TMEM121: variants seen among roughly 807,000 people sequenced by gnomAD.
TMEM121 encodes transmembrane protein 121A.
A neutral mutation model predicts 16.4 loss-of-function variants in TMEM121; 8 were observed. That is an observed-to-expected ratio of 0.49 (90% confidence interval 0.29 to 0.88). The LOEUF (loss-of-function observed/expected upper bound fraction) is 0.88. Ranked by LOEUF, TMEM121 falls within the 40% of genes least tolerant of loss-of-function variation. TMEM121 has a pLI of 0.09. For missense variants in TMEM121, 401 were observed against 462.0 expected (o/e 0.87, Z 1.21); for synonymous variants, 235 against 226.2 (o/e 1.04, Z -0.35).
rs782467362 is a variant in TMEM121, at chr14:105,529,162, C to A, written c.328C>A (p.Arg110Ser). ...GCGCGGCGCGGCGGACCCCGTGGCG[C>A]GCAAGGCGCTGACGCTGCTGCTGTC... Reference protein sequence around the residue: ...ARRGAADPVARKALTLLLSVC... With the variant: ...ARRGAADPVASKALTLLLSVC... Residue 110 changes from arginine to serine, a missense_variant, in exon 2 of 2, where the codon CGC (arginine) becomes AGC (serine). Transcript: ENST00000392519. 1 of 1,593,756 alleles carries A rather than the reference C, an allele frequency of 6.3e-7. No individual in the cohort carries two copies. Among genetic ancestry groups the A allele is most frequent in the South Asian group, 1.1e-5 (1 of 89,310 alleles).
Position 105,528,852 on chromosome 14 carries a change from G to C in TMEM121, c.18G>C (p.Pro6=). 6.5e-7 allele frequency: 1 copy of C among 1,538,780 alleles called. No homozygotes were observed. The highest frequency in any genetic ancestry group is 8.8e-7 in the Non-Finnish European group (1 of 1,141,782). The part of the protein sequence containing the change: MVLPP[P]DRRHVCLTTL... Reference sequence around the variant, plus strand: ...GGCCGACCATGGTGCTGCCGCCCCCGGACCGGCGCCACGTGTGCCTGACCA... The same window carrying C: ...GGCCGACCATGGTGCTGCCGCCCCCCGACCGGCGCCACGTGTGCCTGACCA... Residue 6 remains proline (P), a synonymous_variant, in exon 2 of 2, where the codon CCG becomes CCC. Transcript: ENST00000392519.
chr14:105,528,414 GGC>G lies in TMEM121; in HGVS notation c.-113-307_-113-306del, dbSNP rs147209800. Among the ~76,000 whole-genome samples, 2,536 of 152,234 alleles carry G rather than the reference GGC, an allele frequency of 0.017. 529 individuals carry two copies. The East Asian group carries it at 0.38, about 23-fold the overall frequency. ...CGGAGCCAGGAGGGAGGGCGGCGCG[GGC>G]CCAGCAGTGACAAACCCCCCCGGGC... On this transcript the variant is annotated intron_variant, in intron 1 of 1. Transcript: ENST00000392519.
At chr14:105,527,410 C>T (rs1409454672) in intron 1 of TMEM121, 1 of 152,280 alleles carries the variant, frequency 6.6e-6, no homozygotes, top group East Asian at 1.9e-4. Flanking sequence ...CTGGGTCAGA[C>T]GTGTAGATCC....
chr14:105,530,057 C>T lies in TMEM121; in HGVS notation c.*263C>T. On this transcript the variant is annotated 3_prime_UTR_variant, in exon 2 of 2. Transcript: ENST00000392519. Reference sequence around the variant, plus strand: ...CGGAGCAGAGCAGAGGTGATCCGGCCCCTGCCTGCTGGGCCGCCCGGGTTG... The same window carrying T: ...CGGAGCAGAGCAGAGGTGATCCGGCTCCTGCCTGCTGGGCCGCCCGGGTTG... The T allele has an allele frequency of 2.3e-6, 1 of 434,564 alleles. No homozygotes were observed. Among genetic ancestry groups the T allele is most frequent in the Non-Finnish European group, 4.1e-6 (1 of 243,822 alleles). 26.9% of individuals were successfully genotyped at this position (434,564 alleles called of 1,614,324 possible).
rs1321829574 is a variant in TMEM121 at position 105,529,738 on chromosome 14, G to T, written c.904G>T (p.Gly302Cys). The T allele has an allele frequency of 2.0e-6, 3 of 1,508,402 alleles. No homozygotes were observed. Among genetic ancestry groups the T allele is most frequent in the East Asian group, 2.5e-5 (1 of 39,972 alleles). The allele number at this position is 1,508,402 out of a possible 1,614,324, so 93.4% of individuals were successfully genotyped here. A position where few individuals can be genotyped will look rare whatever the true frequency, so the allele number is the denominator to read the frequency against. ...GCCGCCGCCGCCGCCGCCGCTGCAC[G>T]GCCCGCCTGGGCGCCCCCACATGTC... is the stretch of plus-strand genomic sequence containing the variant. ...SVPPPPPPLH[G>C]PPGRPHMSSP... Residue 302 changes from glycine (G) to cysteine (C), a missense_variant, in exon 2 of 2, where the codon GGC (glycine) becomes TGC (cysteine). Physicochemically the swap from Gly to Cys is radical, Grantham distance 159. Transcript: ENST00000392519.
In TMEM121 at chr14:105,526,929, T is replaced by C. The variant is rs2084592711; in HGVS notation, c.-114+276T>C. On this transcript the variant is annotated intron_variant, in intron 1 of 1. Transcript: ENST00000392519. The surrounding 1 kb of genome is among the most constrained non-coding windows in gnomAD (Gnocchi z 6.8). ...CACAGCAGCCCCCTCCCGCCCCTCC[T>C]CCCGGGGGCTCCGAGGGGTGGTTAT... Among the ~76,000 whole-genome samples the C allele has an allele frequency of 6.6e-6, 1 of 151,604 alleles. No homozygotes were observed. The highest frequency in any genetic ancestry group is 6.5e-5 in the Admixed American group (1 of 15,272).
In TMEM121 at chr14:105,529,272, G is replaced by T; in HGVS notation, c.438G>T (p.Leu146=). The T allele has an allele frequency of 6.5e-7, 1 of 1,545,206 alleles. No individual in the cohort carries two copies. The highest frequency in any genetic ancestry group is 8.7e-7 in the Non-Finnish European group (1 of 1,148,884). Residue 146 remains leucine (L), a synonymous_variant, in exon 2 of 2, where the codon CTG becomes CTT. Transcript: ENST00000392519. ...YVRTFRKRED[L]RGRLFWVALD... Reference sequence around the variant, plus strand: ...GCACCTTCCGCAAGCGCGAGGACCTGCGCGGCCGCCTGTTTTGGGTGGCGC... The same window carrying T: ...GCACCTTCCGCAAGCGCGAGGACCTTCGCGGCCGCCTGTTTTGGGTGGCGC...
chr14:105,529,357 C>A lies in TMEM121; in HGVS notation c.523C>A (p.Leu175Met). 1 of 1,540,618 alleles carries A rather than the reference C, an allele frequency of 6.5e-7. No individual in the cohort carries two copies. The change falls in exon 2 of 2, where the codon CTG becomes ATG. Residue 175 changes from leucine to methionine, a missense_variant. Transcript: ENST00000392519. The stretch of plus-strand genomic sequence containing the variant: ...CCTGTGGGAGCCGCCGCGCTCCGGG[C>A]TGCCGCTGTGGGCCGAGGGCCTCAC... ...ASLWEPPRSGLPLWAEGLTFF... is the reference protein window; with the variant it reads ...ASLWEPPRSGMPLWAEGLTFF...
At chr14:105,528,685 GCC>G (rs1376118561) in intron 1 of TMEM121, 35 bp from the exon 2 acceptor site, 6 of 775,962 alleles carry the variant, frequency 7.7e-6, no homozygotes, top group Admixed American at 5.1e-5. Flanking sequence ...GGCCGCTCCA[GCC>G]CGCACCCTGA....
rs1555444082 is a variant in TMEM121 at position 105,528,826 on chromosome 14, C to T, written c.-9C>T. On this transcript the variant is annotated 5_prime_UTR_variant, in exon 2 of 2. Coordinates refer to ENST00000392519, the MANE Select transcript of TMEM121 (RefSeq NM_025268.4). ...CGCGCGCGCCCAGGCCGGGGCCCGG[C>T]GGCCGACCATGGTGCTGCCGCCCCC... is the stretch of plus-strand genomic sequence containing the variant. The T allele has an allele frequency of 6.8e-7, 1 of 1,478,048 alleles. No homozygotes were observed. Among genetic ancestry groups the T allele is most frequent in the Non-Finnish European group, 9.0e-7 (1 of 1,116,908 alleles). 91.6% of individuals were successfully genotyped at this position (1,478,048 alleles called of 1,614,324 possible).
chr14:105,529,194 T>C lies in TMEM121; in HGVS notation c.360T>C (p.Cys120=). 6.3e-7 allele frequency: 1 copy of C among 1,584,014 alleles called. No individual in the cohort carries two copies. Among genetic ancestry groups the C allele is most frequent in the Non-Finnish European group, 8.6e-7 (1 of 1,167,656 alleles). Reference sequence around the variant, plus strand: ...CGCTGACGCTGCTGCTGTCTGTGTGTGTGCCCGGCCTGTTCCTGCTGCTCG... The same window carrying C: ...CGCTGACGCTGCTGCTGTCTGTGTGCGTGCCCGGCCTGTTCCTGCTGCTCG... The part of the protein sequence containing the change: ...RKALTLLLSV[C]VPGLFLLLVA... The change falls in exon 2 of 2, where the codon TGT becomes TGC. Residue 120 remains cysteine, a synonymous_variant. Transcript: ENST00000392519.
Position 105,528,860 on chromosome 14 carries a change from G to A in TMEM121, c.26G>A (p.Arg9His). 1.3e-6 allele frequency: 2 copies of A among 1,541,956 alleles called. No individual in the cohort carries two copies. The highest frequency in any genetic ancestry group is 4.9e-5 in the East Asian group (2 of 40,666). The change falls in exon 2 of 2, where the codon CGC (arginine) becomes CAC (histidine). Residue 9 changes from arginine to histidine, a missense_variant. Coordinates refer to ENST00000392519, the MANE Select transcript of TMEM121 (RefSeq NM_025268.4). Reference sequence around the variant, plus strand: ...ATGGTGCTGCCGCCCCCGGACCGGCGCCACGTGTGCCTGACCACGCTGGTG... The same window carrying A: ...ATGGTGCTGCCGCCCCCGGACCGGCACCACGTGTGCCTGACCACGCTGGTG... MVLPPPDR[R>H]HVCLTTLVIM...
In TMEM121 at chr14:105,529,074, C is replaced by G; in HGVS notation, c.240C>G (p.Phe80Leu). The change falls in exon 2 of 2, where the codon TTC becomes TTG. Residue 80 changes from phenylalanine (F) to leucine (L), a missense_variant. Phe to Leu is a conservative substitution (Grantham distance 22). Coordinates refer to ENST00000392519, the MANE Select transcript of TMEM121 (RefSeq NM_025268.4). ...GCGGCTACGCCATGATCCTGTGGTT[C>G]CTTTACATCTTCGTGCTGGAGATCA... Reference protein sequence around the residue: ...AKRGYAMILWFLYIFVLEIKL... With the variant: ...AKRGYAMILWLLYIFVLEIKL... The G allele has an allele frequency of 6.2e-7, 1 of 1,612,348 alleles. No individual in the cohort carries two copies.
In TMEM121 at chr14:105,530,011, G is replaced by A. The variant is rs1272067818; in HGVS notation, c.*217G>A. 4 of 527,732 alleles carry A rather than the reference G, an allele frequency of 7.6e-6. No homozygotes were observed. Among genetic ancestry groups the A allele is most frequent in the Non-Finnish European group, 1.3e-5 (4 of 305,362 alleles). The allele number at this position is 527,732 out of a possible 1,614,324, so 32.7% of individuals were successfully genotyped here. On this transcript the variant is annotated 3_prime_UTR_variant, in exon 2 of 2. Transcript: ENST00000392519. ...TCCACCAGCCCGCCCCAGCGCGTGG[G>A]TCTGTTTGGGAGGCCTGGGCCGGAG...
Position 105,529,581 on chromosome 14 carries a change from C to T in TMEM121, c.747C>T (p.Phe249=), listed in dbSNP as rs1555444307. ...LFRDSRVSAI[F]VGKNVVALAT... ...GGGACAGCCGTGTCTCGGCCATCTT[C>T]GTCGGCAAAAACGTGGTGGCGCTCG... is the stretch of plus-strand genomic sequence containing the variant. The change falls in exon 2 of 2, where the codon TTC becomes TTT. Residue 249 remains phenylalanine, a synonymous_variant. Coordinates refer to ENST00000392519, the MANE Select transcript of TMEM121 (RefSeq NM_025268.4). 3 of 1,563,946 alleles carry T rather than the reference C, an allele frequency of 1.9e-6. No individual in the cohort carries two copies. In the South Asian group the frequency reaches 3.5e-5, roughly 18 times the overall value.
In TMEM121 at chr14:105,526,966, C is replaced by G. The variant is rs1555443871; in HGVS notation, c.-114+313C>G. On this transcript the variant is annotated intron_variant, in intron 1 of 1. Coordinates refer to ENST00000392519, the MANE Select transcript of TMEM121 (RefSeq NM_025268.4). This position sits in a 1 kb window ranked among gnomAD's most constrained non-coding sequence, Gnocchi z 6.8. ...CGAGGGGTGGTTATGGGGCGAGGGT[C>G]CTTGCGGGGCCCGGGCAGTGAAGGG... The G allele has an allele frequency of 6.6e-6, 1 of 152,034 alleles. No homozygotes were observed. Among genetic ancestry groups the G allele is most frequent in the Non-Finnish European group, 1.5e-5 (1 of 68,162 alleles). 9.4% of individuals were successfully genotyped at this position (152,034 alleles called of 1,614,324 possible). A position where few individuals can be genotyped will look rare whatever the true frequency, so the allele number is the denominator to read the frequency against.
chr14:105,528,107 AC>A (rs1475916072), intron 1 of TMEM121, among the ~76,000 whole-genome samples: 1 of 151,674 alleles, frequency 6.6e-6, no homozygotes, highest in Non-Finnish European at 1.5e-5. Flanking sequence ...AGGATGGTGG[AC>A]AGGAGGGGAG....
At chr14:105,528,394 C>T (rs1004708588) in intron 1 of TMEM121, among the ~76,000 whole-genome samples, 1 of 151,600 alleles carries the variant, frequency 6.6e-6, no homozygotes, top group Non-Finnish European at 1.5e-5. Flanking sequence ...GCCGCCGGAG[C>T]CAGGAGGGAG....
Position 105,528,605 on chromosome 14 carries a change from G to C in TMEM121, c.-113-117G>C, listed in dbSNP as rs1203067875. The C allele has an allele frequency of 3.8e-5, 11 of 288,256 alleles. No homozygotes were observed. In the East Asian group the frequency reaches 4.4e-4, roughly 11 times the overall value. The allele number at this position is 288,256 out of a possible 1,614,324, so 17.9% of individuals were successfully genotyped here. A position where few individuals can be genotyped will look rare whatever the true frequency, so the allele number is the denominator to read the frequency against. ...TGGGCGCAGGCGTGCGCGATGCCTC[G>C]GGGCCCCGGCGCGGAGACCGCGCCT... is the stretch of plus-strand genomic sequence containing the variant. On this transcript the variant is annotated intron_variant, in intron 1 of 1. Coordinates refer to ENST00000392519, the MANE Select transcript of TMEM121 (RefSeq NM_025268.4).
Sources: gnomAD v4.1 joint callset for allele counts (sites outside exome capture counted in the v4.1 genomes callset) on GRCh38, gnomAD v4.1.1 for gene constraint, Gnocchi (gnomAD v3.1) non-coding constraint, MANE v1.5 for transcripts, NCBI Gene and HGNC (gene_info 2026-07-23, HGNC 2026-07-21) for gene names.